Variants in B4GALT5 observed in about 807,000 individuals in gnomAD.
The protein encoded by B4GALT5 is UDP-Gal:beta-GlcNAc beta-1,4-galactosyltransferase 5.
A neutral mutation model predicts 45.0 loss-of-function variants in B4GALT5; 11 were observed. That is an observed-to-expected ratio of 0.24 (90% CI 0.15 to 0.40). B4GALT5 has a LOEUF of 0.40. B4GALT5 is among the 10% of genes least tolerant of loss of function. The pLI is 1.00. For synonymous variants in B4GALT5, 185 were observed against 182.9 expected, an observed-to-expected ratio of 1.01 and a Z score of -0.09; for missense variants, 337 against 500.2, an observed-to-expected ratio of 0.67 and a Z score of 3.11.
At chr20:49,640,374 A>G (rs2085571613) in intron 6 of B4GALT5, 104 bp downstream of exon 6, 3 of 1,018,274 alleles carry the variant, frequency 2.9e-6, no homozygotes, top group Non-Finnish European at 4.2e-6. Context: ...TTATCCATCC[A>G]TCAGTTGATG....
chr20:49,683,816 T>C (rs903914493), intron 1 of B4GALT5, among the ~76,000 whole-genome samples: 4 of 152,100 alleles, frequency 2.6e-5, no homozygotes, highest in Non-Finnish European at 5.9e-5. Context: ...TCATTTGTAT[T>C]GAATGAGTTA....
chr20:49,657,228 G>A (rs2085647272), intron 1 of B4GALT5, among the ~76,000 whole-genome samples: 1 of 152,052 alleles, frequency 6.6e-6, no homozygotes. Flanking sequence ...ACTTACCCTT[G>A]GGAGATTTGG....
At chr20:49,649,188 G>GGAAGGAACA (rs1321350213) in intron 2 of B4GALT5, among the ~76,000 whole-genome samples, 2 of 148,270 alleles carry the variant, frequency 1.3e-5, no homozygotes, top group Non-Finnish European at 2.9e-5. Context: ...TCTTAACAAG[G>GGAAGGAACA]GAAGGAACAG....
In B4GALT5 at chr20:49,639,653, G is replaced by A. The variant is rs371196561; in HGVS notation, c.917+25C>T. On this transcript the variant is annotated intron_variant, in intron 7 of 8. Transcript: ENST00000371711. ...GCAGTCTAAGGTAGCATTTCTAGAA[G>A]ACACCGAAAGAACGGCAGAGGTACC... 76 of 1,611,606 alleles carry A rather than the reference G, an allele frequency of 4.7e-5. No homozygotes were observed. The African/African-American group carries it at 8.4e-4, about 18-fold the overall frequency.
intron 1 of B4GALT5, among the ~76,000 whole-genome samples, chr20:49,702,827 C>T (rs534756868): frequency 6.6e-6 from 1 of 151,864 alleles, no homozygotes; most frequent in South Asian, 2.1e-4. Context: ...TGCACTCCAG[C>T]ATGGGCAACA....
intron 2 of B4GALT5, among the ~76,000 whole-genome samples, chr20:49,651,415 C>A (rs111262001): frequency 0.011 from 1,600 of 151,476 alleles, 29 homozygotes; most frequent in African/African-American, 0.037. Context: ...ATAGTGAAAC[C>A]CTATCTCTAC....
chr20:49,702,737 C>T (rs1228025480), intron 1 of B4GALT5, among the ~76,000 whole-genome samples: 1 of 151,972 alleles, frequency 6.6e-6, no homozygotes, highest in Admixed American at 6.6e-5. Flanking sequence ...CACTGGTGGT[C>T]TCAGCTGCTT....
intron 1 of B4GALT5, among the ~76,000 whole-genome samples, chr20:49,694,233 A>G (rs970540289): frequency 5.3e-5 from 8 of 152,166 alleles, no homozygotes; most frequent in African/African-American, 1.9e-4. Flanking sequence ...CTAGATGGGA[A>G]AAGAATGGGT....
chr20:49,702,169 C>T (rs536077800), intron 1 of B4GALT5, among the ~76,000 whole-genome samples: 5 of 152,204 alleles, frequency 3.3e-5, no homozygotes, highest in South Asian at 2.1e-4. Flanking sequence ...AATCCCGTGT[C>T]GCCTGCCGAA....
intron 1 of B4GALT5, among the ~76,000 whole-genome samples, chr20:49,672,685 G>A (rs1316166525): frequency 6.6e-6 from 1 of 152,134 alleles, no homozygotes; most frequent in Non-Finnish European, 1.5e-5. Flanking sequence ...AAGGCACGTT[G>A]GAAGAGCATG....
rs1264266865 is a variant in B4GALT5, at chr20:49,695,097, C to T, written c.115+18479G>A. Reference sequence around the variant, plus strand: ...ACACCTGCACTGTTTTCATTAGGTTCTTTTTTTTTTTTTTTGGTGATGAGT... The same window carrying T: ...ACACCTGCACTGTTTTCATTAGGTTTTTTTTTTTTTTTTTTGGTGATGAGT... On this transcript the variant is annotated intron_variant, in intron 1 of 8. Transcript: ENST00000371711. Among the ~76,000 whole-genome samples, 465 of 135,698 alleles carry T rather than the reference C, an allele frequency of 3.4e-3. 1 individual carries two copies. The highest frequency in any genetic ancestry group is 0.011 in the African/African-American group (403 of 37,444). 89.0% of individuals were successfully genotyped at this position (135,698 alleles called of 152,430 possible).
At chr20:49,660,857 A>G (rs1412773763) in intron 1 of B4GALT5, among the ~76,000 whole-genome samples, 1 of 152,194 alleles carries the variant, frequency 6.6e-6, no homozygotes, top group African/African-American at 2.4e-5. Context: ...CGAGTGTGGT[A>G]GTGTGCGCCT....
intron 1 of B4GALT5, among the ~76,000 whole-genome samples, chr20:49,661,044 T>C (rs1201759537): frequency 6.6e-6 from 1 of 152,154 alleles, no homozygotes; most frequent in African/African-American, 2.4e-5. Context: ...CATACACATG[T>C]TGCTTTCAAT....
At chr20:49,695,205 ATTT>A (rs5841765) in intron 1 of B4GALT5, among the ~76,000 whole-genome samples, 1 of 145,790 alleles carries the variant, frequency 6.9e-6, no homozygotes, top group Non-Finnish European at 1.5e-5. Context: ...TAGTGCAGTA[ATTT>A]TTTTTTTTTT....
intron 1 of B4GALT5, among the ~76,000 whole-genome samples, chr20:49,708,933 A>G (rs1328617467): frequency 0.2 from 2,119 of 10,440 alleles, 60 homozygotes; most frequent in African/African-American, 0.43. Flanking sequence ...CTCCATCTCA[A>G]AAAAAAAAAA....
At position 49,708,746 on chromosome 20, in the gene B4GALT5, G is replaced by C. The variant is rs61208303; in HGVS notation, c.115+4830C>G. ...GCAGACCACGAGGTCAGGAGTTCAA[G>C]ACCAGCCTGACCAACATGGTGAAAC... On this transcript the variant is annotated intron_variant, in intron 1 of 8. Transcript: ENST00000371711. 2.4e-3 allele frequency among the ~76,000 whole-genome samples: 369 copies of C among 152,202 alleles called. 2 individuals are homozygous for C. Among genetic ancestry groups the C allele is most frequent in the African/African-American group, 8.8e-3 (364 of 41,528 alleles).
chr20:49,663,669 T>C (rs2085674349), intron 1 of B4GALT5, among the ~76,000 whole-genome samples: 1 of 47,220 alleles, frequency 2.1e-5, no homozygotes, highest in Admixed American at 3.0e-4. Flanking sequence ...TGAGAATTCA[T>C]CTCAAGAAAA....
At chr20:49,675,412 C>T (rs1395109721) in intron 1 of B4GALT5, among the ~76,000 whole-genome samples, 2 of 152,168 alleles carry the variant, frequency 1.3e-5, no homozygotes, top group South Asian at 2.1e-4. Context: ...ATTAACAAGA[C>T]GGCCACAGGG....
At chr20:49,644,005 T>C (rs2085588499) in intron 3 of B4GALT5, among the ~76,000 whole-genome samples, 1 of 136,936 alleles carries the variant, frequency 7.3e-6, no homozygotes, top group Non-Finnish European at 1.5e-5. Context: ...CTCAGCTCAC[T>C]GCAACCTCTG....
Sources: allele counts gnomAD v4.1 joint callset (sites outside exome capture counted in the v4.1 genomes callset), GRCh38; gene constraint gnomAD v4.1.1; transcripts MANE v1.5; gene names NCBI Gene and HGNC (gene_info 2026-07-23, HGNC 2026-07-21).